OR4F15: variants seen among roughly 807,000 people sequenced by gnomAD.
OR4F15 encodes olfactory receptor family 4 subfamily F member 15, also known as olfactory receptor 4F15.
Under a neutral mutation model 11.9 loss-of-function variants are expected in OR4F15, and 7 were observed. The observed-to-expected ratio is 0.59, with a 90% CI of 0.33 to 1.10. The LOEUF (loss-of-function observed/expected upper bound fraction) is 1.10. Among genes scored for constraint, OR4F15 ranks in the 50% least tolerant of loss-of-function variants. The pLI is 0.03. For synonymous variants in OR4F15, 151 were observed against 134.6 expected (o/e 1.12, Z -0.84); for missense variants, 445 against 377.5 (o/e 1.18, Z -1.48).
intron 1 of OR4F15, among the ~76,000 whole-genome samples, chr15:101,816,244 A>G (rs573549837): frequency 2.0e-5 from 3 of 152,270 alleles, no homozygotes; most frequent in African/African-American, 7.2e-5. Flanking sequence ...GTCAGAGGAG[A>G]TGCGATGACA....
At chr15:101,817,379 T>C (rs1281523720) in intron 1 of OR4F15, among the ~76,000 whole-genome samples, 2 of 152,212 alleles carry the variant, frequency 1.3e-5, no homozygotes, top group Admixed American at 1.3e-4. Context: ...ACGCCTTCAT[T>C]CAACAAGTGT....
chr15:101,818,174 G>A lies in OR4F15; in HGVS notation c.-13G>A. On this transcript the variant is annotated 5_prime_UTR_variant, in exon 2 of 2. Transcript: ENST00000332238. ...GGTAAGTAACATGAAAACTGATCTT[G>A]GAGTCTGAGGCAATGAATGGAATGA... 1 of 1,543,618 alleles carries A rather than the reference G, an allele frequency of 6.5e-7. No homozygotes were observed. Among genetic ancestry groups the A allele is most frequent in the Non-Finnish European group, 8.9e-7 (1 of 1,126,094 alleles).
In OR4F15 at chr15:101,818,615, C is replaced by G. The variant is rs141388760; in HGVS notation, c.429C>G (p.Tyr143Ter). ...LTIMSPRMCL[Y>*]FLATSSIIGL... is the part of the protein sequence containing the mutation. ...TCATGAGCCCAAGAATGTGTCTATA[C>G]TTTTTAGCCACTTCCTCTATCATTG... The change falls in exon 2 of 2, where the codon TAC becomes TAG. Residue 143 changes from tyrosine to a stop codon, truncating the protein, a stop_gained. Coordinates refer to ENST00000332238, the MANE Select transcript of OR4F15 (RefSeq NM_001001674.2). LOFTEE classifies it high-confidence loss of function. 6,495 of 1,614,120 alleles carry G rather than the reference C, an allele frequency of 4.0e-3. 16 individuals are homozygous for G. Among genetic ancestry groups the G allele is most frequent in the Non-Finnish European group, 5.0e-3 (5,926 of 1,179,996 alleles).
chr15:101,814,656 C>T (rs2141620100), intron 1 of OR4F15, among the ~76,000 whole-genome samples: 1 of 152,248 alleles, frequency 6.6e-6, no homozygotes, highest in East Asian at 1.9e-4. Flanking sequence ...AATGAACCAT[C>T]TTAGTCTCCT....
Position 101,818,178 on chromosome 15 carries a change from T to C in OR4F15, c.-9T>C. On this transcript the variant is annotated 5_prime_UTR_variant, in exon 2 of 2. Transcript: ENST00000332238. ...AGTAACATGAAAACTGATCTTGGAG[T>C]CTGAGGCAATGAATGGAATGAATCA... 1.3e-6 allele frequency: 2 copies of C among 1,567,308 alleles called. No homozygotes were observed. Among genetic ancestry groups the C allele is most frequent in the South Asian group, 2.3e-5 (2 of 86,582 alleles).
chr15:101,817,602 A>G (rs1309764724), intron 1 of OR4F15, among the ~76,000 whole-genome samples: 1 of 152,190 alleles, frequency 6.6e-6, no homozygotes, highest in Non-Finnish European at 1.5e-5. Context: ...GGAAGATTTC[A>G]CACATAAGCG....
At chr15:101,815,636 G>A (rs1902975634) in intron 1 of OR4F15, among the ~76,000 whole-genome samples, 1 of 152,026 alleles carries the variant, frequency 6.6e-6, no homozygotes, top group African/African-American at 2.4e-5. Flanking sequence ...ATCTGTATGT[G>A]ACACAAAAAT....
In OR4F15 at chr15:101,818,465, C is replaced by T. The variant is rs756971855; in HGVS notation, c.279C>T (p.Ser93=). ...TTTTCAAGAAGCACAAGGCCATCTCCTTTCGGGGATGTATTACTCAGATCT... is the reference window on the plus strand; with the variant it reads ...TTTTCAAGAAGCACAAGGCCATCTCTTTTCGGGGATGTATTACTCAGATCT... ...CDIFKKHKAI[S]FRGCITQIFF... is the part of the protein sequence containing the mutation. The change falls in exon 2 of 2, where the codon TCC becomes TCT. Residue 93 remains serine (S), a synonymous_variant. Transcript: ENST00000332238. 3 of 1,614,134 alleles carry T rather than the reference C, an allele frequency of 1.9e-6. No individual in the cohort carries two copies. In the Admixed American group the frequency reaches 5.0e-5, roughly 27 times the overall value.
chr15:101,819,457 T>A lies in OR4F15; in HGVS notation c.*332T>A, dbSNP rs1015492571. The A allele has an allele frequency of 1.0e-4, 20 of 199,982 alleles. No homozygotes were observed. The highest frequency in any genetic ancestry group is 6.8e-4 in the Admixed American group (13 of 19,024). 12.4% of individuals were successfully genotyped at this position (199,982 alleles called of 1,614,324 possible). A position where few individuals can be genotyped will look rare whatever the true frequency, so the allele number is the denominator to read the frequency against. ...CAGATTATTCTATTGATAGACAAAC[T>A]ACACATTCAATCTGTTTACCACCTA... On this transcript the variant is annotated 3_prime_UTR_variant, in exon 2 of 2. Coordinates refer to ENST00000332238, the MANE Select transcript of OR4F15 (RefSeq NM_001001674.2).
intron 1 of OR4F15, among the ~76,000 whole-genome samples, chr15:101,816,081 C>T (rs1902983942): frequency 1.3e-5 from 2 of 152,078 alleles, no homozygotes; most frequent in South Asian, 4.1e-4. Flanking sequence ...AGTAAGAAAG[C>T]TGTGCTGTAT....
intron 1 of OR4F15, among the ~76,000 whole-genome samples, chr15:101,813,789 A>G (rs1902944540): frequency 6.6e-6 from 1 of 152,238 alleles, no homozygotes; most frequent in Non-Finnish European, 1.5e-5. Context: ...TTAAATTTAA[A>G]TGATTCCATC....
At chr15:101,816,991 A>G (rs1041785825) in intron 1 of OR4F15, among the ~76,000 whole-genome samples, 5 of 152,098 alleles carry the variant, frequency 3.3e-5, no homozygotes, top group Non-Finnish European at 7.4e-5. Context: ...GACTGCCTTT[A>G]TGTGACATGG....
At chr15:101,813,386 G>T (rs770353137) in intron 1 of OR4F15, among the ~76,000 whole-genome samples, 62 of 151,972 alleles carry the variant, frequency 4.1e-4, no homozygotes, top group Non-Finnish European at 8.2e-4. Flanking sequence ...GTGCATGAAT[G>T]TAAATCCAGC....
At chr15:101,816,599 T>C (rs1295858648) in intron 1 of OR4F15, among the ~76,000 whole-genome samples, 1 of 151,950 alleles carries the variant, frequency 6.6e-6, no homozygotes, top group Non-Finnish European at 1.5e-5. Flanking sequence ...TGAATGGGAG[T>C]AAAAAGTTCT....
intron 1 of OR4F15, among the ~76,000 whole-genome samples, chr15:101,816,437 C>T (rs1902990180): frequency 6.6e-6 from 1 of 152,028 alleles, no homozygotes; most frequent in Admixed American, 6.6e-5. Context: ...TTGATTTTAG[C>T]TCTGAAAACT....
chr15:101,812,720 T>C (rs1180159203), intron 1 of OR4F15, among the ~76,000 whole-genome samples: 1 of 152,158 alleles, frequency 6.6e-6, no homozygotes, highest in African/African-American at 2.4e-5. Context: ...AAGGAATAAT[T>C]GAAAACATTT....
rs1478829390 is a variant in OR4F15 at position 101,818,945 on chromosome 15, A to C, written c.759A>C (p.Pro253=). ...HVTVVILFFG[P]LMFFYTWPSP... ...CTGTGGTCATCTTGTTCTTTGGGCC[A>C]CTGATGTTTTTCTACACATGGCCTT... The change falls in exon 2 of 2, where the codon CCA becomes CCC. Residue 253 remains proline, a synonymous_variant. Coordinates refer to ENST00000332238, the MANE Select transcript of OR4F15 (RefSeq NM_001001674.2). 3.1e-6 allele frequency: 5 copies of C among 1,614,000 alleles called. No individual in the cohort carries two copies. Among genetic ancestry groups the C allele is most frequent in the Non-Finnish European group, 3.4e-6 (4 of 1,180,024 alleles).
In OR4F15 at chr15:101,819,068, GAA is replaced by G. The variant is rs1476854419; in HGVS notation, c.884_885del (p.Lys295SerfsTer37). ...VIYTFRNKDMKVAMRRLCSRL... is the reference protein window; with the variant it reads ...VIYTFRNKDMXVAMRRLCSRL... The stretch of plus-strand genomic sequence containing the variant: ...TCTACACATTCAGGAACAAAGACAT[GAA>G]AGTGGCAATGAGGAGACTGTGCAGT... On this transcript the variant is annotated frameshift_variant, in exon 2 of 2. Coordinates refer to ENST00000332238, the MANE Select transcript of OR4F15 (RefSeq NM_001001674.2). LOFTEE classifies it high-confidence loss of function. 3.7e-6 allele frequency: 6 copies of G among 1,613,942 alleles called. No individual in the cohort carries two copies. In the East Asian group the frequency reaches 1.3e-4, roughly 36 times the overall value.
intron 1 of OR4F15, among the ~76,000 whole-genome samples, chr15:101,817,064 G>T (rs1903001152): frequency 6.6e-6 from 1 of 152,038 alleles, no homozygotes; most frequent in Non-Finnish European, 1.5e-5. Flanking sequence ...ATTTGTTTCA[G>T]CTCATTACAT....
Sources: allele counts gnomAD v4.1 joint callset (sites outside exome capture counted in the v4.1 genomes callset), GRCh38; gene constraint gnomAD v4.1.1; transcripts MANE v1.5; gene names NCBI Gene and HGNC (gene_info 2026-07-23, HGNC 2026-07-21).